Variants in ANK2 observed in about 807,000 individuals in gnomAD.
ANK2 encodes ankyrin-2.
In ANK2, 83 loss-of-function variants were observed where a neutral mutation model predicts 360.5. That is an observed-to-expected ratio of 0.23 (90% CI 0.19 to 0.28). ANK2 has a LOEUF of 0.28. ANK2 is among the 10% of genes least tolerant of loss of function. ANK2 has a pLI of 1.00. For synonymous variants in ANK2, 1,740 were observed against 1,759.5 expected, an observed-to-expected ratio of 0.99 and a Z score of 0.28; for missense variants, 4,201 against 4,795.7, an observed-to-expected ratio of 0.88 and a Z score of 3.66.
Position 113,358,073 on chromosome 4 carries a change from C to A in ANK2, c.9455C>A (p.Thr3152Asn). Reference protein sequence around the residue: ...TLSEDVKEGATGADPLPLETS... With the variant: ...TLSEDVKEGANGADPLPLETS... ...TCTGAAGATGTGAAAGAAGGGGCTA[C>A]TGGGGCTGATCCCCTACCGCTGGAG... is the stretch of plus-strand genomic sequence containing the variant. Residue 3152 changes from threonine to asparagine, a missense_variant, in exon 38 of 46, where the codon ACT (threonine) becomes AAT (asparagine). Physicochemically the swap from Thr to Asn is moderately conservative, Grantham distance 65. This residue lies in a region of ANK2 where 2,642 missense variants were observed against 2,714.5 expected (regional missense o/e 0.97). Coordinates refer to ENST00000357077, the MANE Select transcript of ANK2 (RefSeq NM_001148.6). 1 of 1,614,084 alleles carries A rather than the reference C, an allele frequency of 6.2e-7. No homozygotes were observed. Among genetic ancestry groups the A allele is most frequent in the Admixed American group, 1.7e-5 (1 of 60,010 alleles).
In ANK2 at chr4:113,249,874, T is replaced by C; in HGVS notation, c.990+12T>C. The C allele has an allele frequency of 6.2e-7, 1 of 1,609,160 alleles. No homozygotes were observed. The highest frequency in any genetic ancestry group is 8.5e-7 in the Non-Finnish European group (1 of 1,175,844). ...TGGCAAGGACTAAGGTGAGTCATTA[T>C]GAGTAAGATGGGGTCCTAAGAAATC... On this transcript the variant is annotated intron_variant, in intron 10 of 45. Coordinates refer to ENST00000357077, the MANE Select transcript of ANK2 (RefSeq NM_001148.6).
At position 113,246,148 on chromosome 4, in the gene ANK2, C is replaced by T. The variant is rs1214560402; in HGVS notation, c.892-3616C>T. Among the ~76,000 whole-genome samples the T allele has an allele frequency of 2.0e-5, 3 of 152,284 alleles. No individual in the cohort carries two copies. In the East Asian group the frequency reaches 5.8e-4, roughly 29 times the overall value. On this transcript the variant is annotated intron_variant, in intron 9 of 45. Coordinates refer to ENST00000357077, the MANE Select transcript of ANK2 (RefSeq NM_001148.6). ...ATTTTGTTGTTGTTGTTGTTGTTGACATCTCAATTTCCCCCAGCATTTAAA... is the reference window on the plus strand; with the variant it reads ...ATTTTGTTGTTGTTGTTGTTGTTGATATCTCAATTTCCCCCAGCATTTAAA...
At chr4:112,859,188 C>T (rs964380993) in intron 1 of ANK2, among the ~76,000 whole-genome samples, 13 of 152,116 alleles carry the variant, frequency 8.5e-5, no homozygotes, top group African/African-American at 2.9e-4. Context: ...CCACAGCATC[C>T]CCCCTAATGA....
chr4:112,853,811 C>G (rs2065639742), intron 1 of ANK2, among the ~76,000 whole-genome samples: 1 of 152,106 alleles, frequency 6.6e-6, no homozygotes. Context: ...TCTTAATTCA[C>G]AAGGTTTGAG....
chr4:112,755,296 A>T, the ANK2 span, among the ~76,000 whole-genome samples: 1 of 152,232 alleles, frequency 6.6e-6, no homozygotes, highest in East Asian at 1.9e-4. Flanking sequence ...CCAATGAATT[A>T]GTTAACTGGT....
In ANK2 at chr4:113,021,541, CATATATATATATATATATAT is replaced by C. The variant is rs57817594; in HGVS notation, c.21+117046_21+117065del. On this transcript the variant is annotated intron_variant, in intron 2 of 30. Transcript: ENST00000503271. Reference sequence around the variant, plus strand: ...ATACACACACACACCCACACACAAACATATATATATATATATATATATATATATATATATATATGCCAAGG... The same window carrying C: ...ATACACACACACACCCACACACAAACATATATATATATATATATGCCAAGG... Among the ~76,000 whole-genome samples the C allele has an allele frequency of 4.3e-3, 408 of 95,594 alleles. 17 individuals carry two copies. Among genetic ancestry groups the C allele is most frequent in the Non-Finnish European group, 5.6e-3 (245 of 44,130 alleles). The allele number at this position is 95,594 out of a possible 152,430, so 62.7% of individuals were successfully genotyped here.
chr4:113,203,797 A>AG (rs2098895641), intron 4 of ANK2, among the ~76,000 whole-genome samples: 1 of 152,158 alleles, frequency 6.6e-6, no homozygotes, highest in Non-Finnish European at 1.5e-5. Flanking sequence ...CTTCATCCCC[A>AG]GGCAATATTG....
At chr4:112,963,301 G>A (rs964028241) in intron 2 of ANK2, among the ~76,000 whole-genome samples, 8 of 152,018 alleles carry the variant, frequency 5.3e-5, no homozygotes, top group Non-Finnish European at 8.8e-5. Context: ...TACACCTTTA[G>A]AGCTTAATAA....
the ANK2 span, among the ~76,000 whole-genome samples, chr4:112,764,648 C>T: frequency 0.29 from 43,442 of 149,812 alleles, 6,421 homozygotes; most frequent in East Asian, 0.36. Context: ...GGTCCAATTT[C>T]TTTGTATTAT....
chr4:113,043,483 CT>C (rs1250098090), intron 2 of ANK2, among the ~76,000 whole-genome samples: 4 of 151,936 alleles, frequency 2.6e-5, no homozygotes, highest in African/African-American at 9.7e-5. Flanking sequence ...GTTGCTCAGG[CT>C]GGTCTTGAAT....
At chr4:113,316,711 A>G (rs1249087209) in intron 24 of ANK2, among the ~76,000 whole-genome samples, 2 of 152,244 alleles carry the variant, frequency 1.3e-5, no homozygotes, top group Admixed American at 1.3e-4. Context: ...TAGCTTATTT[A>G]AGATACCAAT....
chr4:112,751,109 C>T, the ANK2 span, among the ~76,000 whole-genome samples: 1 of 152,076 alleles, frequency 6.6e-6, no homozygotes, highest in Non-Finnish European at 1.5e-5. Context: ...TCATCATAAC[C>T]CAGTTTTCCT....
At chr4:112,790,420 G>C in the ANK2 span, among the ~76,000 whole-genome samples, 2 of 151,688 alleles carry the variant, frequency 1.3e-5, no homozygotes, top group South Asian at 4.2e-4. Flanking sequence ...CGGATTTCTA[G>C]CAGAGTGAGG....
At chr4:113,345,244 G>A (rs142883096) in intron 34 of ANK2, among the ~76,000 whole-genome samples, 181 of 152,206 alleles carry the variant, frequency 1.2e-3, no homozygotes, top group South Asian at 7.9e-3. Flanking sequence ...ATAGGCAAAC[G>A]TATAGAGACA....
At chr4:113,350,421 A>G in intron 37 of ANK2, 172 bp downstream of exon 37, 1 of 545,894 alleles carries the variant, frequency 1.8e-6, no homozygotes, top group East Asian at 3.0e-5. Context: ...TTAAATTACA[A>G]ATATACCTAA....
At chr4:112,768,727 T>G in the ANK2 span, among the ~76,000 whole-genome samples, 165 of 152,340 alleles carry the variant, frequency 1.1e-3, no homozygotes, top group Non-Finnish European at 1.6e-3. Context: ...TTTATGCTGA[T>G]GACTCAAATT....
At chr4:112,870,246 G>A (rs998914789) in intron 1 of ANK2, among the ~76,000 whole-genome samples, 69 of 151,970 alleles carry the variant, frequency 4.5e-4, no homozygotes, top group African/African-American at 1.6e-3. Context: ...AGCCTACTTC[G>A]GCCTCCCAAA....
chr4:112,761,577 G>A, the ANK2 span, among the ~76,000 whole-genome samples: 3 of 152,084 alleles, frequency 2.0e-5, no homozygotes, highest in Admixed American at 6.6e-5. Context: ...CCCAGATCAC[G>A]CCACTGCACT....
chr4:113,101,024 A>G (rs2092743057), intron 1 of ANK2, among the ~76,000 whole-genome samples: 1 of 152,142 alleles, frequency 6.6e-6, no homozygotes, highest in South Asian at 2.1e-4. Context: ...TAGGGTCGTG[A>G]AACTATTCTG....
Sources: gnomAD v4.1 joint callset for allele counts (sites outside exome capture counted in the v4.1 genomes callset) on GRCh38, gnomAD v4.1.1 for gene constraint, gnomAD v4.1.1 regional missense constraint, MANE v1.5 for transcripts, NCBI Gene and HGNC (gene_info 2026-07-23, HGNC 2026-07-21) for gene names.